The following LRFN2 variants were observed in gnomAD, a reference collection of about 807,000 sequenced individuals.
LRFN2 encodes leucine-rich repeat and fibronectin type-III domain-containing protein 2.
LRFN2 carries 18 observed loss-of-function variants against 37.3 expected under a neutral mutation model. The observed-to-expected ratio is 0.48, with a 90% CI of 0.33 to 0.72. LRFN2 has a LOEUF of 0.72. Among genes scored for constraint, LRFN2 ranks in the 30% least tolerant of loss-of-function variants. The probability of loss-of-function intolerance (pLI) is 0.02; values close to 1 mark genes in which losing one functional copy is unlikely to be tolerated. For synonymous variants in LRFN2, 556 were observed against 466.6 expected (o/e 1.19, Z -2.47); for missense variants, 1,006 against 1,060.7 (o/e 0.95, Z 0.72).
chr6:40,555,271 G>C (rs541190422), intron 1 of LRFN2, among the ~76,000 whole-genome samples: 2 of 152,336 alleles, frequency 1.3e-5, no homozygotes, highest in East Asian at 3.9e-4. Flanking sequence ...TCCCTGGTGA[G>C]AGGTGAAGGC....
chr6:40,466,484 G>T (rs1764469942), intron 1 of LRFN2, among the ~76,000 whole-genome samples: 3 of 152,138 alleles, frequency 2.0e-5, no homozygotes, highest in African/African-American at 7.2e-5. Flanking sequence ...ACAGCCATTA[G>T]CATCCAGTAA....
chr6:40,514,675 T>C (rs1266038510), intron 1 of LRFN2, among the ~76,000 whole-genome samples: 1 of 152,196 alleles, frequency 6.6e-6, no homozygotes, highest in Non-Finnish European at 1.5e-5. Context: ...GTAAAGGATC[T>C]GAGAAGGTCT....
chr6:40,528,275 G>T (rs1180628622), intron 1 of LRFN2, among the ~76,000 whole-genome samples: 21 of 152,208 alleles, frequency 1.4e-4, no homozygotes. Context: ...CTGCATAGCT[G>T]GGTGAGGGCA....
intron 2 of LRFN2, among the ~76,000 whole-genome samples, chr6:40,414,798 G>T (rs771183070): frequency 2.0e-4 from 30 of 152,220 alleles, no homozygotes; most frequent in Non-Finnish European, 4.0e-4. Flanking sequence ...AACCCCACGT[G>T]ACCACAAAGC....
At chr6:40,570,411 A>G (rs1362223560) in intron 1 of LRFN2, among the ~76,000 whole-genome samples, 1 of 152,168 alleles carries the variant, frequency 6.6e-6, no homozygotes, top group Non-Finnish European at 1.5e-5. Flanking sequence ...TTACACATGA[A>G]GAAACTGGGA....
At chr6:40,550,580 C>T (rs1766757550) in intron 1 of LRFN2, among the ~76,000 whole-genome samples, 1 of 152,318 alleles carries the variant, frequency 6.6e-6, no homozygotes, top group East Asian at 1.9e-4. Context: ...CCAAAGAAAG[C>T]ATGCACTGCC....
At chr6:40,414,318 C>T (rs905837027) in intron 2 of LRFN2, among the ~76,000 whole-genome samples, 3 of 152,076 alleles carry the variant, frequency 2.0e-5, no homozygotes, top group African/African-American at 7.2e-5. Context: ...AGCCAGTCTG[C>T]TTGGCTTCAA....
chr6:40,445,515 G>A (rs184015926), intron 1 of LRFN2, among the ~76,000 whole-genome samples: 54 of 152,318 alleles, frequency 3.5e-4, no homozygotes, highest in African/African-American at 1.3e-3. Flanking sequence ...TGAATGATAG[G>A]TGGTAGGATT....
chr6:40,568,710 T>A (rs1767134904), intron 1 of LRFN2, among the ~76,000 whole-genome samples: 1 of 150,362 alleles, frequency 6.7e-6, no homozygotes, highest in South Asian at 2.1e-4. Flanking sequence ...CTTCCTTCCT[T>A]CCTTCCTTCC....
intron 1 of LRFN2, among the ~76,000 whole-genome samples, chr6:40,566,153 A>G (rs1468262219): frequency 6.6e-6 from 1 of 152,258 alleles, no homozygotes; most frequent in Admixed American, 6.5e-5. Flanking sequence ...ATCACTGGCC[A>G]TCAGAGAAAT....
intron 1 of LRFN2, among the ~76,000 whole-genome samples, chr6:40,461,739 G>A (rs1764354626): frequency 6.6e-6 from 1 of 152,102 alleles, no homozygotes; most frequent in Non-Finnish European, 1.5e-5. Context: ...TACCAGGTCT[G>A]GGATTGAAAT....
intron 1 of LRFN2, among the ~76,000 whole-genome samples, chr6:40,442,512 C>T (rs370613019): frequency 6.6e-5 from 10 of 152,128 alleles, no homozygotes; most frequent in African/African-American, 2.4e-4. Flanking sequence ...GCTGAGTCTC[C>T]CCTCAGACTG....
chr6:40,426,361 G>T (rs536896888), intron 2 of LRFN2, among the ~76,000 whole-genome samples: 1 of 152,168 alleles, frequency 6.6e-6, no homozygotes, highest in South Asian at 2.1e-4. Context: ...CTACTTTGTG[G>T]CAGCTTTTAC....
intron 1 of LRFN2, among the ~76,000 whole-genome samples, chr6:40,499,843 G>A: frequency 6.6e-6 from 1 of 152,336 alleles, no homozygotes; most frequent in South Asian, 2.1e-4. Flanking sequence ...GCCTTCTACT[G>A]TGAGAGCAAG....
In LRFN2 at chr6:40,441,096, C is replaced by T. The variant is rs182067447; in HGVS notation, c.-18-7965G>A. Among the ~76,000 whole-genome samples, 4 of 152,296 alleles carry T rather than the reference C, an allele frequency of 2.6e-5. No individual in the cohort carries two copies. The East Asian group carries it at 7.7e-4, about 29-fold the overall frequency. On this transcript the variant is annotated intron_variant, in intron 1 of 2. Coordinates refer to ENST00000338305, the MANE Select transcript of LRFN2 (RefSeq NM_020737.3). The stretch of plus-strand genomic sequence containing the variant: ...AATAACTAACAACACCAGCAACTTT[C>T]AGAGGAAGGAGACCTCAGTTCACGT...
chr6:40,539,704 G>C (rs1766516589), intron 1 of LRFN2, among the ~76,000 whole-genome samples: 1 of 152,190 alleles, frequency 6.6e-6, no homozygotes, highest in Non-Finnish European at 1.5e-5. Flanking sequence ...GCACTGGGGA[G>C]CCCAAGACAA....
At chr6:40,412,488 G>A (rs564307656) in intron 2 of LRFN2, among the ~76,000 whole-genome samples, 1 of 152,308 alleles carries the variant, frequency 6.6e-6, no homozygotes, top group Non-Finnish European at 1.5e-5. Flanking sequence ...GGGTATGAGA[G>A]TCGCTCAGAC....
chr6:40,405,623 C>T (rs1581680849), intron 2 of LRFN2, among the ~76,000 whole-genome samples: 2 of 152,148 alleles, frequency 1.3e-5, no homozygotes, highest in Non-Finnish European at 2.9e-5. Context: ...TGGCAAACCT[C>T]ATGCAGGCTA....
intron 1 of LRFN2, among the ~76,000 whole-genome samples, chr6:40,510,406 C>T (rs915014538): frequency 7.9e-5 from 12 of 152,206 alleles, no homozygotes; most frequent in Non-Finnish European, 1.8e-4. Flanking sequence ...CATCTGAAGT[C>T]CCCCTGTCTT....
Sources: gnomAD v4.1 joint callset for allele counts (sites outside exome capture counted in the v4.1 genomes callset) on GRCh38, gnomAD v4.1.1 for gene constraint, MANE v1.5 for transcripts, NCBI Gene and HGNC (gene_info 2026-07-23, HGNC 2026-07-21) for gene names.